Variants in KSR2 observed in about 807,000 individuals in gnomAD.
KSR2 encodes kinase suppressor of ras 2.
In KSR2, 25 loss-of-function variants were observed where a neutral mutation model predicts 107.8. That is an observed-to-expected ratio of 0.23 (90% CI 0.17 to 0.32). The LOEUF (loss-of-function observed/expected upper bound fraction) is 0.32. Among genes scored for constraint, KSR2 ranks in the 10% least tolerant of loss-of-function variants. The probability of loss-of-function intolerance (pLI) is 1.00; values close to 1 mark genes in which losing one functional copy is unlikely to be tolerated. For missense variants in KSR2, 887 were observed against 1,268.9 expected (o/e 0.70, Z 4.57); for synonymous variants, 480 against 507.0 (o/e 0.95, Z 0.71).
chr12:117,799,679 C>T (rs553792138), intron 3 of KSR2, among the ~76,000 whole-genome samples: 1 of 152,226 alleles, frequency 6.6e-6, no homozygotes, highest in East Asian at 1.9e-4. Flanking sequence ...TCAGCACAGT[C>T]ACTTCAAGCT....
intron 5 of KSR2, among the ~76,000 whole-genome samples, chr12:117,658,990 A>G (rs1423591881): frequency 6.6e-6 from 1 of 152,242 alleles, no homozygotes; most frequent in East Asian, 1.9e-4. Context: ...GGGCACTGAT[A>G]AGGAATACGA....
chr12:117,780,665 T>A (rs2136942933), intron 3 of KSR2, among the ~76,000 whole-genome samples: 1 of 152,348 alleles, frequency 6.6e-6, no homozygotes, highest in Admixed American at 6.5e-5. Flanking sequence ...CACTAAACTG[T>A]ACACTTAAAA....
intron 7 of KSR2, among the ~76,000 whole-genome samples, chr12:117,569,884 A>C (rs1243006521): frequency 6.6e-6 from 1 of 152,236 alleles, no homozygotes; most frequent in African/African-American, 2.4e-5. Context: ...CAGGTCAAGC[A>C]ACTGCAAGTT....
chr12:117,526,174 G>A (rs201439746), intron 13 of KSR2, among the ~76,000 whole-genome samples: 1 of 152,204 alleles, frequency 6.6e-6, no homozygotes, highest in East Asian at 1.9e-4. Flanking sequence ...CCAGGACCAG[G>A]AATCTGCATT....
At chr12:117,722,235 G>A (rs2136691927) in intron 4 of KSR2, among the ~76,000 whole-genome samples, 1 of 152,194 alleles carries the variant, frequency 6.6e-6, no homozygotes, top group African/African-American at 2.4e-5. Context: ...ATTAGACAAT[G>A]CAGGCCTAGA....
At chr12:117,807,079 G>A (rs142836463) in intron 3 of KSR2, among the ~76,000 whole-genome samples, 9 of 152,294 alleles carry the variant, frequency 5.9e-5, no homozygotes, top group African/African-American at 1.4e-4. Flanking sequence ...CCTTTTCATG[G>A]TGGGGAATCT....
intron 3 of KSR2, among the ~76,000 whole-genome samples, chr12:117,806,187 A>G (rs1296482932): frequency 2.0e-5 from 3 of 152,206 alleles, no homozygotes; most frequent in African/African-American, 7.2e-5. Context: ...ATCACAGGAT[A>G]GGAATATGGG....
intron 3 of KSR2, among the ~76,000 whole-genome samples, chr12:117,826,144 AGAATGAATGAAT>A (rs139068727): frequency 6.6e-6 from 1 of 150,972 alleles, no homozygotes; most frequent in Non-Finnish European, 1.5e-5. Flanking sequence ...AGATGGAGGA[AGAATGAATGAAT>A]GAATGAATGA....
At chr12:117,477,029 T>C (rs1048174302) in intron 16 of KSR2, among the ~76,000 whole-genome samples, 7 of 152,222 alleles carry the variant, frequency 4.6e-5, no homozygotes, top group African/African-American at 1.2e-4. Flanking sequence ...TTCTGTTTTA[T>C]TTTACATAAT....
At chr12:117,850,306 G>A (rs1439541672) in intron 3 of KSR2, among the ~76,000 whole-genome samples, 1 of 152,178 alleles carries the variant, frequency 6.6e-6, no homozygotes, top group African/African-American at 2.4e-5. Context: ...GCCCAGGAAA[G>A]GCCTCATAGA....
At chr12:117,634,869 C>G (rs1032279871) in intron 5 of KSR2, among the ~76,000 whole-genome samples, 1 of 152,164 alleles carries the variant, frequency 6.6e-6, no homozygotes, top group Admixed American at 6.5e-5. Flanking sequence ...CCTCTGGCCA[C>G]CCCAAAGATG....
At position 117,897,741 on chromosome 12, in the gene KSR2, G is replaced by A. The variant is rs747716560; in HGVS notation, c.181-37310C>T. On this transcript the variant is annotated intron_variant, in intron 1 of 19. Transcript: ENST00000339824. This position sits in a 1 kb window ranked among gnomAD's most constrained non-coding sequence, Gnocchi z 4.5. ...GCAAGGCTAAGAAACCTGCTGATCCGAGAACCTGAATGCAGCAGAAACCAC... is the reference window on the plus strand; with the variant it reads ...GCAAGGCTAAGAAACCTGCTGATCCAAGAACCTGAATGCAGCAGAAACCAC... 3.3e-5 allele frequency among the ~76,000 whole-genome samples: 5 copies of A among 151,968 alleles called. No individual in the cohort carries two copies. Among genetic ancestry groups the A allele is most frequent in the Non-Finnish European group, 7.4e-5 (5 of 68,018 alleles).
chr12:117,656,528 C>G (rs1260003362), intron 5 of KSR2, among the ~76,000 whole-genome samples: 1 of 152,184 alleles, frequency 6.6e-6, no homozygotes, highest in South Asian at 2.1e-4. Context: ...GCAGGAGAAT[C>G]ACTTGAACCC....
rs183804202 is a variant in KSR2 at position 117,861,579 on chromosome 12, G to A, written c.181-1148C>T. Among the ~76,000 whole-genome samples the A allele has an allele frequency of 0.01, 1,517 of 151,546 alleles. 55 individuals are homozygous for A. In the East Asian group the frequency reaches 0.12, roughly 12 times the overall value. On this transcript the variant is annotated intron_variant, in intron 1 of 19. Transcript: ENST00000339824. ...AATTTTTTGTATTTTTAGTAGAGAC[G>A]GGGTTTCACCATGTTAGCCAGGATG...
chr12:117,681,691 C>T (rs550391907), intron 4 of KSR2, among the ~76,000 whole-genome samples: 4 of 152,248 alleles, frequency 2.6e-5, no homozygotes, highest in African/African-American at 9.6e-5. Flanking sequence ...CTTTAATCCA[C>T]CTTGAGTTGA....
intron 5 of KSR2, among the ~76,000 whole-genome samples, chr12:117,611,817 C>T (rs969804731): frequency 1.3e-5 from 2 of 152,164 alleles, no homozygotes; most frequent in Non-Finnish European, 1.5e-5. Flanking sequence ...CATGCTACAA[C>T]ATGGATGAGA....
intron 3 of KSR2, among the ~76,000 whole-genome samples, chr12:117,815,999 G>C (rs1891356045): frequency 1.1e-5 from 1 of 89,572 alleles, no homozygotes; most frequent in Non-Finnish European, 2.0e-5. Flanking sequence ...AAGTGTGTGT[G>C]TGTGTGTGTG....
intron 1 of KSR2, among the ~76,000 whole-genome samples, chr12:117,880,859 G>A (rs945971219): frequency 4.6e-5 from 7 of 151,872 alleles, no homozygotes; most frequent in Admixed American, 2.6e-4. Flanking sequence ...TAGTAGAGAC[G>A]GGGATTCACC....
intron 1 of KSR2, among the ~76,000 whole-genome samples, chr12:117,919,582 G>A (rs1895282504): frequency 1.3e-5 from 2 of 152,220 alleles, no homozygotes; most frequent in African/African-American, 2.4e-5. Context: ...AACATCCATA[G>A]TCACTAATGC....
Sources: gnomAD v4.1 joint callset for allele counts (sites outside exome capture counted in the v4.1 genomes callset) on GRCh38, gnomAD v4.1.1 for gene constraint, Gnocchi (gnomAD v3.1) non-coding constraint, MANE v1.5 for transcripts, NCBI Gene and HGNC (gene_info 2026-07-23, HGNC 2026-07-21) for gene names.